The following KMT2C variants were observed in gnomAD, a reference collection of about 807,000 sequenced individuals.
KMT2C encodes histone-lysine N-methyltransferase 2C.
In KMT2C, 88 loss-of-function variants were observed where a neutral mutation model predicts 507.9. The observed-to-expected ratio is 0.17, with a 90% confidence interval of 0.15 to 0.21. The LOEUF (loss-of-function observed/expected upper bound fraction) is 0.21, where lower values mean the gene tolerates loss of function less well. Ranked by LOEUF, KMT2C falls within the 10% of genes least tolerant of loss-of-function variation. KMT2C has a pLI of 1.00. For synonymous variants in KMT2C, 2,049 were observed against 2,080.8 expected (o/e 0.98, Z 0.42); for missense variants, 4,954 against 5,957.8 (o/e 0.83, Z 5.55).
chr7:152,343,667 AC>A (rs1449503878), intron 2 of KMT2C, among the ~76,000 whole-genome samples: 1 of 152,120 alleles, frequency 6.6e-6, no homozygotes, highest in Non-Finnish European at 1.5e-5. Context: ...TACTGAAAAA[AC>A]CTAAAAGAGG....
chr7:152,430,501 G>A (rs953764140), intron 1 of KMT2C, among the ~76,000 whole-genome samples: 10 of 152,100 alleles, frequency 6.6e-5, no homozygotes, highest in African/African-American at 1.7e-4. Context: ...TATCTAACAC[G>A]TCCCCACCAG....
In KMT2C at chr7:152,162,110, C is replaced by T; in HGVS notation, c.11460+7G>A. 1 of 1,532,114 alleles carries T rather than the reference C, an allele frequency of 6.5e-7. No homozygotes were observed. 94.9% of individuals were successfully genotyped at this position (1,532,114 alleles called of 1,614,324 possible). ...AAAAAGTTGTCGTTTTTATGATTTA[C>T]ACTTACCAGTCCTTCAGCTGGGTTC... On this transcript the variant is annotated splice_region_variant and intron_variant, in intron 43 of 58. Transcript: ENST00000262189.
rs764133906 is a variant in KMT2C, at chr7:152,162,730, G to GCAT, written c.10844_10846dup (p.Asp3615dup). On this transcript the variant is annotated inframe_insertion, in exon 43 of 59. Coordinates refer to ENST00000262189, the MANE Select transcript of KMT2C (RefSeq NM_170606.3). ...AGTTGATGGAGCCTTGGTGGATTCT[G>GCAT]CATCATCATCTCTTTTCTTCTTTCT... The GCAT allele has an allele frequency of 7.4e-6, 12 of 1,614,048 alleles. No individual in the cohort carries two copies. Among genetic ancestry groups the GCAT allele is most frequent in the Admixed American group, 1.7e-5 (1 of 59,998 alleles).
At chr7:152,345,961 A>G (rs2097054526) in intron 2 of KMT2C, among the ~76,000 whole-genome samples, 1 of 152,260 alleles carries the variant, frequency 6.6e-6, no homozygotes. Flanking sequence ...ATCAAAAGAA[A>G]GCAGGAGTAG....
chr7:152,390,575 T>A (rs2097484778), intron 1 of KMT2C, among the ~76,000 whole-genome samples: 1 of 152,220 alleles, frequency 6.6e-6, no homozygotes, highest in East Asian at 1.9e-4. Context: ...ATCATTTAAT[T>A]CTCATTACAA....
At chr7:152,187,564 A>G (rs577854950) in intron 32 of KMT2C, 88 bp from the exon 33 acceptor site, 24 of 1,420,262 alleles carry the variant, frequency 1.7e-5, no homozygotes, top group Middle Eastern at 1.9e-4. Flanking sequence ...AACCTATTAC[A>G]AAACAGTTAA....
chr7:152,290,256 GTGTATATATATATATATATA>G (rs2096392572), intron 6 of KMT2C, among the ~76,000 whole-genome samples: 1 of 32,030 alleles, frequency 3.1e-5, no homozygotes, highest in Admixed American at 4.8e-4. Flanking sequence ...GTGTGTGTAT[GTGTATATATATATATATATA>G]TATATATATA....
At chr7:152,195,561 A>C in intron 28 of KMT2C, 1 of 985,164 alleles carries the variant, frequency 1.0e-6, no homozygotes, top group Non-Finnish European at 1.2e-6. Context: ...AAAGTGCATA[A>C]ATCAAGACCT....
chr7:152,248,542 G>C lies in KMT2C; in HGVS notation c.1892C>G (p.Ser631Cys), dbSNP rs750509626. ...NEVDSEDLKMSSEVKHICGED... is the reference protein window; with the variant it reads ...NEVDSEDLKMCSEVKHICGED... Reference sequence around the variant, plus strand: ...GCCACAAATATGCTTCACTTCAGAAGACATTTTCAGGTCTTCACTATCAAC... The same window carrying C: ...GCCACAAATATGCTTCACTTCAGAACACATTTTCAGGTCTTCACTATCAAC... Residue 631 changes from serine to cysteine, a missense_variant, in exon 14 of 59, where the codon TCT becomes TGT. Coordinates refer to ENST00000262189, the MANE Select transcript of KMT2C (RefSeq NM_170606.3). The C allele has an allele frequency of 6.2e-7, 1 of 1,613,962 alleles. No individual in the cohort carries two copies. The highest frequency in any genetic ancestry group is 8.5e-7 in the Non-Finnish European group (1 of 1,179,924).
chr7:152,311,683 A>G, intron 5 of KMT2C, 115 bp downstream of exon 5: 2 of 743,716 alleles, frequency 2.7e-6, no homozygotes, highest in Middle Eastern at 3.6e-4. Flanking sequence ...TTTTTATAGT[A>G]TGATTATAAT....
intron 2 of KMT2C, among the ~76,000 whole-genome samples, chr7:152,357,387 G>A (rs1169306274): frequency 6.6e-6 from 1 of 152,110 alleles, no homozygotes; most frequent in Non-Finnish European, 1.5e-5. Flanking sequence ...AGCTGGGTGT[G>A]GTGGCGGGCG....
At chr7:152,284,381 G>A (rs112744094) in intron 6 of KMT2C, among the ~76,000 whole-genome samples, 6 of 152,158 alleles carry the variant, frequency 3.9e-5, no homozygotes, top group South Asian at 2.1e-4. Context: ...AATGATGCTG[G>A]AACTGCTAAA....
chr7:152,137,522 AG>A, intron 58 of KMT2C: 1 of 152,560 alleles, frequency 6.6e-6, no homozygotes, highest in Non-Finnish European at 1.5e-5. Flanking sequence ...TGCAAAATGA[AG>A]GGGAGGCCCA....
At chr7:152,318,653 T>C (rs951172923) in intron 3 of KMT2C, among the ~76,000 whole-genome samples, 1 of 124,710 alleles carries the variant, frequency 8.0e-6, no homozygotes, top group Non-Finnish European at 1.7e-5. Context: ...AAAAAATAGG[T>C]GCAAAAAATG....
intron 1 of KMT2C, among the ~76,000 whole-genome samples, chr7:152,401,068 G>T (rs2097569359): frequency 6.7e-6 from 1 of 150,320 alleles, no homozygotes; most frequent in Non-Finnish European, 1.5e-5. Flanking sequence ...AATATTACAT[G>T]ATCATAATAA....
chr7:152,163,656 C>T lies in KMT2C; in HGVS notation c.9921G>A (p.Val3307=), dbSNP rs1362294562. 1 of 1,613,180 alleles carries T rather than the reference C, an allele frequency of 6.2e-7. No individual in the cohort carries two copies. The highest frequency in any genetic ancestry group is 1.1e-5 in the South Asian group (1 of 90,928). ...PTMSQPTFPM[V]PQQLQHQQHT... is the part of the protein sequence containing the mutation. ...GCTGCTGGTGCTGAAGCTGCTGTGG[C>T]ACCATGGGAAAGGTGGGTTGGCTCA... Residue 3307 remains valine (V), a synonymous_variant, in exon 43 of 59, where the codon GTG becomes GTA. Transcript: ENST00000262189.
At position 152,148,834 on chromosome 7, in the gene KMT2C, C is replaced by T. The variant is rs767968866; in HGVS notation, c.13093G>A (p.Val4365Ile). The change falls in exon 52 of 59, where the codon GTA becomes ATA. Residue 4365 changes from valine to isoleucine, a missense_variant. Physicochemically the swap from Val to Ile is conservative, Grantham distance 29. Coordinates refer to ENST00000262189, the MANE Select transcript of KMT2C (RefSeq NM_170606.3). The surrounding 1 kb of genome is among the most constrained non-coding windows in gnomAD (Gnocchi z 7.1). ...MKWKKWSIHIVIPKGTFKPPC... is the reference protein window; with the variant it reads ...MKWKKWSIHIIIPKGTFKPPC... ...GGTTTAAATGTCCCCTTAGGGATTA[C>T]AATATGAATGCTCCACTTCTTCCAT... The T allele has an allele frequency of 2.5e-6, 4 of 1,614,234 alleles. No homozygotes were observed. The East Asian group carries it at 6.7e-5, about 27-fold the overall frequency.
At chr7:152,409,763 A>G (rs564305499) in intron 1 of KMT2C, among the ~76,000 whole-genome samples, 156 of 152,192 alleles carry the variant, frequency 1.0e-3, no homozygotes, top group African/African-American at 3.5e-3. Flanking sequence ...AATAAATAAA[A>G]TAAAATGCTG....
chr7:152,191,264 T>TA (rs574289730), intron 31 of KMT2C, among the ~76,000 whole-genome samples: 135 of 152,288 alleles, frequency 8.9e-4, no homozygotes, highest in Non-Finnish European at 1.7e-3. Flanking sequence ...TCTACCAACC[T>TA]AAAAGAGGTC....
Sources: allele counts gnomAD v4.1 joint callset (sites outside exome capture counted in the v4.1 genomes callset), GRCh38; gene constraint gnomAD v4.1.1; non-coding constraint Gnocchi (gnomAD v3.1); transcripts MANE v1.5; gene names NCBI Gene and HGNC (gene_info 2026-07-23, HGNC 2026-07-21).